The following RRP1 variants were observed in gnomAD, a reference collection of about 807,000 sequenced individuals.
The protein encoded by RRP1 is ribosomal RNA processing 1, also known as ribosomal RNA processing protein 1 homolog A.
RRP1 carries 37 observed loss-of-function variants against 54.6 expected under a neutral mutation model. The observed-to-expected ratio is 0.68, with a 90% CI of 0.52 to 0.89. RRP1 has a LOEUF of 0.89. Among genes scored for constraint, RRP1 ranks in the 40% least tolerant of loss-of-function variants. The pLI, the probability that RRP1 is intolerant of heterozygous loss-of-function variation, is 0.00. For missense variants in RRP1, 639 were observed against 612.5 expected (o/e 1.04, Z -0.46); for synonymous variants, 262 against 244.3 (o/e 1.07, Z -0.67).
chr21:43,792,571 A>ATGAG (rs548061094), intron 2 of RRP1, 101 bp from the exon 3 acceptor site: 57 of 1,146,256 alleles, frequency 5.0e-5, no homozygotes, highest in South Asian at 1.2e-4. Context: ...ACTCTCTGTG[A>ATGAG]TGAGTGAGTG....
In RRP1 at chr21:43,804,185, T is replaced by A. The variant is rs1300103946; in HGVS notation, c.*411T>A. 5.7e-6 allele frequency: 1 copy of A among 175,810 alleles called. No homozygotes were observed. The highest frequency in any genetic ancestry group is 2.4e-5 in the African/African-American group (1 of 42,346). The allele number at this position is 175,810 out of a possible 1,614,324, so 10.9% of individuals were successfully genotyped here. On this transcript the variant is annotated 3_prime_UTR_variant, in exon 13 of 13. Transcript: ENST00000497547. This position sits in a 1 kb window ranked among gnomAD's most constrained non-coding sequence, Gnocchi z 4.3. ...CGAGCAGTGTGGTGGTTTATATTCA[T>A]GTTTGTGGAAAAATCTTGCAAGACA... is the stretch of plus-strand genomic sequence containing the variant.
At chr21:43,792,589 G>T (rs2084971852) in intron 2 of RRP1, 83 bp from the exon 3 acceptor site, 13 of 1,299,724 alleles carry the variant, frequency 1.0e-5, no homozygotes, top group Non-Finnish European at 1.4e-5. Flanking sequence ...GTGAGTGAGT[G>T]GGTGAGTGGG....
chr21:43,803,888 C>A lies in RRP1; in HGVS notation c.*114C>A, dbSNP rs750086806. 7.6e-7 allele frequency: 1 copy of A among 1,319,414 alleles called. No homozygotes were observed. The allele number at this position is 1,319,414 out of a possible 1,614,324, so 81.7% of individuals were successfully genotyped here. ...GACCGTGGCTCCAGAACTCCTGTGC[C>A]AGGCGGGAGGGAAGGGCGGCACTGG... On this transcript the variant is annotated 3_prime_UTR_variant, in exon 13 of 13. Coordinates refer to ENST00000497547, the MANE Select transcript of RRP1 (RefSeq NM_003683.6).
intron 10 of RRP1, 92 bp from the exon 11 acceptor site, chr21:43,800,770 C>T: frequency 1.3e-6 from 2 of 1,573,714 alleles, no homozygotes; most frequent in Middle Eastern, 1.9e-4. Context: ...TGGGGTTCCC[C>T]TGGCTAGGAA....
At chr21:43,800,359 G>C (rs2085073323) in intron 9 of RRP1, among the ~76,000 whole-genome samples, 158 bp from the exon 10 acceptor site, 1 of 152,218 alleles carries the variant, frequency 6.6e-6, no homozygotes, top group Non-Finnish European at 1.5e-5. Context: ...AGTGGGTGGA[G>C]CTGCAGGACC....
intron 1 of RRP1, chr21:43,791,024 T>C (rs2084951359): frequency 6.2e-6 from 3 of 485,416 alleles, no homozygotes; most frequent in South Asian, 3.1e-5. Flanking sequence ...AGATTAACCT[T>C]GTGGCCACTG....
intron 8 of RRP1, 120 bp from the exon 9 acceptor site, chr21:43,799,450 T>A: frequency 9.8e-7 from 1 of 1,019,506 alleles, no homozygotes; most frequent in Non-Finnish European, 1.5e-6. Context: ...CGTTCCCGGG[T>A]GTTTCCCGCC....
intron 5 of RRP1, 63 bp from the exon 6 acceptor site, chr21:43,797,359 G>T (rs1397644436): frequency 1.9e-6 from 3 of 1,545,926 alleles, no homozygotes; most frequent in Non-Finnish European, 2.6e-6. Flanking sequence ...TGGGAGAGTG[G>T]GGGGCACGGC....
chr21:43,799,928 C>T (rs1049817263), intron 9 of RRP1, among the ~76,000 whole-genome samples: 25 of 152,202 alleles, frequency 1.6e-4, no homozygotes, highest in African/African-American at 5.8e-4. Flanking sequence ...CTGGCCTCAC[C>T]TCACGCTGTC....
intron 3 of RRP1, 161 bp downstream of exon 3, chr21:43,792,890 A>G (rs1306642291): frequency 1.7e-5 from 12 of 696,134 alleles, no homozygotes; most frequent in Non-Finnish European, 3.0e-5. Context: ...GCATGTGTGC[A>G]GTGCTGGTGT....
Position 43,803,542 on chromosome 21 carries a change from G to T in RRP1, c.1154G>T (p.Gly385Val), listed in dbSNP as rs1160289315. 1.3e-6 allele frequency: 2 copies of T among 1,558,054 alleles called. No homozygotes were observed. Among genetic ancestry groups the T allele is most frequent in the Non-Finnish European group, 1.7e-6 (2 of 1,150,654 alleles). The change falls in exon 13 of 13, where the codon GGC becomes GTC. Residue 385 changes from glycine (G) to valine (V), a missense_variant. Gly to Val is a moderately radical substitution (Grantham distance 109). Coordinates refer to ENST00000497547, the MANE Select transcript of RRP1 (RefSeq NM_003683.6). ...GGTGAGAAGGAGCCCCCGAGCCCGG[G>T]CATGGAGAGGAAGAGGAGCAGGAGG... ...GKGEKEPPSPGMERKRSRRRG... is the reference protein window; with the variant it reads ...GKGEKEPPSPVMERKRSRRRG...
At chr21:43,801,433 C>T (rs774356687) in intron 11 of RRP1, among the ~76,000 whole-genome samples, 11 of 152,222 alleles carry the variant, frequency 7.2e-5, no homozygotes, top group Non-Finnish European at 1.5e-4. Context: ...CCCCTGCATC[C>T]GCCAGCGGGC....
chr21:43,793,108 C>T, intron 3 of RRP1: 1 of 575,908 alleles, frequency 1.7e-6, no homozygotes, highest in Non-Finnish European at 3.1e-6. Flanking sequence ...AGTTCTTACC[C>T]TGCCTGTCTG....
intron 2 of RRP1, 41 bp from the exon 3 acceptor site, chr21:43,792,631 T>C: frequency 6.2e-7 from 1 of 1,604,730 alleles, no homozygotes; most frequent in Non-Finnish European, 8.5e-7. Context: ...GAGAGCCTGG[T>C]GCTTCAGGGG....
chr21:43,800,979 G>T, intron 11 of RRP1, 98 bp downstream of exon 11: 1 of 1,316,258 alleles, frequency 7.6e-7, no homozygotes, highest in South Asian at 1.2e-5. Context: ...AGCACGTGGA[G>T]TCTCTTTGCA....
intron 9 of RRP1, 43 bp downstream of exon 9, chr21:43,799,692 C>T (rs1187465122): frequency 1.3e-6 from 2 of 1,553,204 alleles, no homozygotes; most frequent in Non-Finnish European, 1.8e-6. Flanking sequence ...GCCTTTGCCC[C>T]TCTGTGCTAC....
chr21:43,793,756 G>T (rs2084985137), intron 4 of RRP1, among the ~76,000 whole-genome samples: 1 of 152,226 alleles, frequency 6.6e-6, no homozygotes, highest in Admixed American at 6.5e-5. Context: ...AGGAGCTGCG[G>T]TCACGCCCTA....
chr21:43,791,167 A>G, intron 1 of RRP1, 183 bp from the exon 2 acceptor site: 1 of 668,296 alleles, frequency 1.5e-6, no homozygotes. Context: ...CCGCATAGCC[A>G]CAGGCGCGGC....
At chr21:43,801,874 G>C (rs1448607786) in intron 11 of RRP1, among the ~76,000 whole-genome samples, 1 of 152,186 alleles carries the variant, frequency 6.6e-6, no homozygotes, top group Non-Finnish European at 1.5e-5. Context: ...GTCCAAAGCT[G>C]AGTGCTGACA....
Sources: allele counts gnomAD v4.1 joint callset (sites outside exome capture counted in the v4.1 genomes callset), GRCh38; gene constraint gnomAD v4.1.1; non-coding constraint Gnocchi (gnomAD v3.1); transcripts MANE v1.5; gene names NCBI Gene and HGNC (gene_info 2026-07-23, HGNC 2026-07-21).